The following CPED1 variants were observed in gnomAD, a reference collection of about 807,000 sequenced individuals.
CPED1 encodes the protein cadherin like and PC-esterase domain containing 1.
A neutral mutation model predicts 128.2 loss-of-function variants in CPED1; 114 were observed. The ratio of observed to expected loss-of-function variants is 0.89; its 90% CI spans 0.76 to 1.04. CPED1 has a LOEUF of 1.04. Among genes scored for constraint, CPED1 ranks in the 50% least tolerant of loss-of-function variants. The pLI is 0.00. For synonymous variants in CPED1, 462 were observed against 426.7 expected, an observed-to-expected ratio of 1.08 and a Z score of -1.02; for missense variants, 1,211 against 1,207.1, an observed-to-expected ratio of 1.00 and a Z score of -0.05.
chr7:121,044,611 A>G (rs1793140054), intron 3 of CPED1, among the ~76,000 whole-genome samples: 1 of 141,044 alleles, frequency 7.1e-6, no homozygotes, highest in South Asian at 2.3e-4. Flanking sequence ...TAATGTTTAG[A>G]CCCCTCAAAG....
intron 2 of CPED1, among the ~76,000 whole-genome samples, chr7:121,000,231 A>G (rs1791801317): frequency 1.3e-5 from 2 of 152,136 alleles, no homozygotes; most frequent in South Asian, 4.1e-4. Context: ...ATGTTCTAAC[A>G]TAGGATTTAC....
intron 7 of CPED1, among the ~76,000 whole-genome samples, chr7:121,123,535 T>C (rs932702597): frequency 6.6e-6 from 1 of 152,214 alleles, no homozygotes; most frequent in Non-Finnish European, 1.5e-5. Context: ...ATTTGTTTTA[T>C]ATTTTTAAAA....
At chr7:121,259,019 C>A (rs139270376) in intron 18 of CPED1, among the ~76,000 whole-genome samples, 4 of 152,024 alleles carry the variant, frequency 2.6e-5, no homozygotes, top group Non-Finnish European at 5.9e-5. Context: ...GAAAGTTAGG[C>A]CTTCAAATAG....
intron 3 of CPED1, among the ~76,000 whole-genome samples, chr7:121,034,575 G>A (rs986547628): frequency 6.6e-6 from 1 of 152,020 alleles, no homozygotes; most frequent in Non-Finnish European, 1.5e-5. Flanking sequence ...GTGACACTAA[G>A]CACTCAAGTC....
At chr7:121,028,987 A>G (rs1562997562) in intron 3 of CPED1, among the ~76,000 whole-genome samples, 1 of 152,116 alleles carries the variant, frequency 6.6e-6, no homozygotes, top group Non-Finnish European at 1.5e-5. Flanking sequence ...TTTTAGCTTT[A>G]TTATTATCAG....
intron 5 of CPED1, among the ~76,000 whole-genome samples, chr7:121,092,273 C>T (rs565496025): frequency 1.5e-4 from 23 of 152,324 alleles, no homozygotes; most frequent in Non-Finnish European, 2.9e-4. Flanking sequence ...ATGTTATACA[C>T]ATTTCCTAGG....
intron 16 of CPED1, among the ~76,000 whole-genome samples, chr7:121,152,857 A>G (rs1796189967): frequency 6.6e-6 from 1 of 152,238 alleles, no homozygotes; most frequent in African/African-American, 2.4e-5. Context: ...GTGCTAAATT[A>G]TACAGTACAT....
rs960521560 is a variant in CPED1, at chr7:121,018,010, T to C, written c.433+2162T>C. 4.6e-5 allele frequency among the ~76,000 whole-genome samples: 7 copies of C among 152,182 alleles called. No individual in the cohort carries two copies. In the East Asian group the frequency reaches 1.3e-3, roughly 29 times the overall value. The stretch of plus-strand genomic sequence containing the variant: ...TTCTTTTACTGTGTATAATAAGATA[T>C]TATTACTGGACAGGTCTCAAGAAAG... On this transcript the variant is annotated intron_variant, in intron 3 of 22. Transcript: ENST00000310396.
chr7:121,240,965 G>A (rs192924902), intron 17 of CPED1, among the ~76,000 whole-genome samples: 63 of 152,160 alleles, frequency 4.1e-4, no homozygotes, highest in Non-Finnish European at 7.4e-4. Context: ...TCAAAGATGT[G>A]GAGGAGGTTG....
chr7:121,117,490 A>G (rs1338009997), intron 7 of CPED1, among the ~76,000 whole-genome samples: 2 of 152,088 alleles, frequency 1.3e-5, no homozygotes, highest in East Asian at 3.9e-4. Context: ...CCATTTCTCT[A>G]ATCTTTTTTT....
intron 16 of CPED1, among the ~76,000 whole-genome samples, chr7:121,233,170 G>A (rs764338266): frequency 3.3e-5 from 5 of 152,010 alleles, no homozygotes; most frequent in Non-Finnish European, 4.4e-5. Flanking sequence ...CTTTGCACAC[G>A]TATGAACAAG....
intron 2 of CPED1, among the ~76,000 whole-genome samples, chr7:120,994,294 A>T (rs1047488793): frequency 1.3e-5 from 2 of 152,118 alleles, no homozygotes; most frequent in African/African-American, 4.8e-5. Flanking sequence ...CCCCTACAGA[A>T]CCTTGCTTCC....
At chr7:121,257,825 A>G (rs541638449) in intron 18 of CPED1, among the ~76,000 whole-genome samples, 5 of 152,208 alleles carry the variant, frequency 3.3e-5, no homozygotes, top group African/African-American at 1.2e-4. Context: ...CCAAAGACAA[A>G]TAAATGTTAA....
intron 4 of CPED1, among the ~76,000 whole-genome samples, chr7:121,052,321 T>G (rs1793374236): frequency 6.6e-6 from 1 of 152,214 alleles, no homozygotes; most frequent in Admixed American, 6.5e-5. Flanking sequence ...CTTTGTTTCC[T>G]GAGCCCCAAA....
At position 121,266,317 on chromosome 7, in the gene CPED1, C is replaced by A; in HGVS notation, c.2401C>A (p.His801Asn). The A allele has an allele frequency of 6.2e-7, 1 of 1,613,174 alleles. No homozygotes were observed. The highest frequency in any genetic ancestry group is 8.5e-7 in the Non-Finnish European group (1 of 1,179,374). ...NETLQEWQKV[H>N]GTKFYHNVNG... ...AACGTTGCAGGAATGGCAGAAAGTA[C>A]ATGGCACTAAATTCTATCACAACGT... Residue 801 changes from histidine to asparagine, a missense_variant, in exon 19 of 23, where the codon CAT (histidine) becomes AAT (asparagine). Transcript: ENST00000310396.
rs187085969 is a variant in CPED1 at position 121,141,918 on chromosome 7, G to T, written c.1887-55G>T. 7.7e-6 allele frequency: 11 copies of T among 1,426,040 alleles called. No individual in the cohort carries two copies. In the East Asian group the frequency reaches 2.3e-4, roughly 30 times the overall value. 88.3% of individuals were successfully genotyped at this position (1,426,040 alleles called of 1,614,324 possible). On this transcript the variant is annotated intron_variant, in intron 15 of 22. Coordinates refer to ENST00000310396, the MANE Select transcript of CPED1 (RefSeq NM_024913.5). The stretch of plus-strand genomic sequence containing the variant: ...AATATTGATATATGAATCAGTTTGG[G>T]CTGAATAAATCTCCCCTATTCATAT...
intron 16 of CPED1, among the ~76,000 whole-genome samples, chr7:121,208,990 A>G (rs1797584051): frequency 6.6e-6 from 1 of 152,064 alleles, no homozygotes. Context: ...TGACCTACGG[A>G]AAAAGGAAAG....
intron 18 of CPED1, chr7:121,261,518 G>A: frequency 7.0e-7 from 1 of 1,421,154 alleles, no homozygotes; most frequent in South Asian, 1.2e-5. Context: ...CCTGACATTA[G>A]GTATTTGGCC....
intron 13 of CPED1, among the ~76,000 whole-genome samples, chr7:121,135,650 AAAAT>A (rs1795767978): frequency 1.3e-5 from 2 of 152,088 alleles, no homozygotes; most frequent in African/African-American, 4.8e-5. Flanking sequence ...AGGAGTTTTT[AAAAT>A]AAATATTTGG....
Sources: gnomAD v4.1 joint callset for allele counts (sites outside exome capture counted in the v4.1 genomes callset) on GRCh38, gnomAD v4.1.1 for gene constraint, MANE v1.5 for transcripts, NCBI Gene and HGNC (gene_info 2026-07-23, HGNC 2026-07-21) for gene names.